Variants in MYO3B observed in about 807,000 individuals in gnomAD.
The protein encoded by MYO3B is myosin IIIB, also known as myosin-IIIb.
A neutral mutation model predicts 174.6 loss-of-function variants in MYO3B; 156 were observed. The observed-to-expected ratio is 0.89, with a 90% CI of 0.78 to 1.02. The LOEUF is 1.02. MYO3B is among the 50% of genes least tolerant of loss of function. The pLI is 0.00. For missense variants in MYO3B, 1,632 were observed against 1,639.4 expected (o/e 1.00, Z 0.08); for synonymous variants, 563 against 569.1 (o/e 0.99, Z 0.15).
chr2:170,405,681 G>A (rs1402294727), intron 21 of MYO3B, 48 bp downstream of exon 21: 1 of 1,463,700 alleles, frequency 6.8e-7, no homozygotes, highest in Non-Finnish European at 9.6e-7. Flanking sequence ...CAAAGGGTAA[G>A]TGTCTGTATT....
At chr2:170,251,998 A>C (rs1370889666) in intron 7 of MYO3B, among the ~76,000 whole-genome samples, 1 of 152,182 alleles carries the variant, frequency 6.6e-6, no homozygotes, top group Admixed American at 6.5e-5. Context: ...AGACCAGGAG[A>C]AGTAAATATG....
intron 32 of MYO3B, among the ~76,000 whole-genome samples, chr2:170,584,207 T>G (rs1055524551): frequency 1.3e-5 from 2 of 152,292 alleles, no homozygotes; most frequent in Non-Finnish European, 2.9e-5. Context: ...GGGGCTCTAA[T>G]TCTGTGGTGT....
chr2:170,354,638 C>G (rs1303542446), intron 8 of MYO3B, among the ~76,000 whole-genome samples: 1 of 152,206 alleles, frequency 6.6e-6, no homozygotes, highest in African/African-American at 2.4e-5. Context: ...TTCCCAACCT[C>G]TTGGGAACAT....
intron 32 of MYO3B, among the ~76,000 whole-genome samples, chr2:170,583,045 C>T (rs1307071481): frequency 6.6e-6 from 1 of 151,838 alleles, no homozygotes; most frequent in Non-Finnish European, 1.5e-5. Context: ...ACTGCAGAGT[C>T]TACCCGCCCC....
At chr2:170,614,034 C>T (rs957038579) in intron 32 of MYO3B, among the ~76,000 whole-genome samples, 5 of 152,108 alleles carry the variant, frequency 3.3e-5, no homozygotes, top group African/African-American at 1.2e-4. Context: ...CCACTCCCAT[C>T]CCCTTCTGCA....
intron 32 of MYO3B, among the ~76,000 whole-genome samples, chr2:170,570,008 T>C (rs1692333796): frequency 6.6e-6 from 1 of 152,044 alleles, no homozygotes; most frequent in Non-Finnish European, 1.5e-5. Flanking sequence ...TAAGACAACA[T>C]GGATTATTTG....
chr2:170,288,159 G>A (rs1310371181), intron 7 of MYO3B, among the ~76,000 whole-genome samples: 1 of 151,632 alleles, frequency 6.6e-6, no homozygotes, highest in Non-Finnish European at 1.5e-5. Context: ...AGAGTGTGGT[G>A]CCTCCAGCTT....
chr2:170,199,148 A>T (rs2092632993), intron 1 of MYO3B, 60 bp from the exon 2 acceptor site: 2 of 1,196,758 alleles, frequency 1.7e-6, no homozygotes, highest in African/African-American at 1.5e-5. Context: ...TTTTGTTTCA[A>T]AAGTCCACTG....
intron 22 of MYO3B, among the ~76,000 whole-genome samples, chr2:170,427,789 T>G (rs1239496121): frequency 6.6e-6 from 1 of 152,188 alleles, no homozygotes; most frequent in Non-Finnish European, 1.5e-5. Flanking sequence ...CAAAAATAAC[T>G]GGTAAATGTG....
chr2:170,444,531 T>G (rs1229717707), intron 23 of MYO3B, among the ~76,000 whole-genome samples: 2 of 152,218 alleles, frequency 1.3e-5, no homozygotes, highest in African/African-American at 2.4e-5. Context: ...TTCGTTAATA[T>G]TCATTGTAAG....
intron 32 of MYO3B, among the ~76,000 whole-genome samples, chr2:170,550,599 T>G (rs1364781800): frequency 6.6e-6 from 1 of 152,178 alleles, no homozygotes; most frequent in African/African-American, 2.4e-5. Context: ...CAACAAACAT[T>G]TATTGAGCAC....
chr2:170,354,946 G>A (rs1269831219), intron 8 of MYO3B, among the ~76,000 whole-genome samples: 1 of 151,974 alleles, frequency 6.6e-6, no homozygotes, highest in Non-Finnish European at 1.5e-5. Context: ...TTGACATCCT[G>A]GGGGTGGGGT....
Position 170,648,235 on chromosome 2 carries a change from T to C in MYO3B, c.3734-3393T>C, listed in dbSNP as rs150956262. Among the ~76,000 whole-genome samples, 146 of 152,314 alleles carry C rather than the reference T, an allele frequency of 9.6e-4. 2 individuals carry two copies. In the East Asian group the frequency reaches 0.028, roughly 29 times the overall value. On this transcript the variant is annotated intron_variant, in intron 32 of 34. Coordinates refer to ENST00000408978, the MANE Select transcript of MYO3B (RefSeq NM_138995.5). ...GACTTTGCCAGCACAACAGGCTAGATTCCTGTGCTCTGCACAGTGATCATG... is the reference window on the plus strand; with the variant it reads ...GACTTTGCCAGCACAACAGGCTAGACTCCTGTGCTCTGCACAGTGATCATG...
intron 32 of MYO3B, among the ~76,000 whole-genome samples, chr2:170,649,444 A>AAATATAT (rs1251493520): frequency 2.9e-5 from 3 of 104,020 alleles, no homozygotes; most frequent in African/African-American, 1.1e-4. Context: ...ATTACATATA[A>AAATATAT]AATATATAAT....
intron 3 of MYO3B, among the ~76,000 whole-genome samples, chr2:170,207,256 G>T (rs2092722624): frequency 1.3e-5 from 2 of 152,086 alleles, no homozygotes; most frequent in Admixed American, 1.3e-4. Flanking sequence ...AAAACAGTCA[G>T]ATCTCCCTCA....
At chr2:170,414,792 A>G (rs1457419633) in intron 22 of MYO3B, among the ~76,000 whole-genome samples, 2 of 152,178 alleles carry the variant, frequency 1.3e-5, no homozygotes, top group Non-Finnish European at 2.9e-5. Flanking sequence ...GATCCTGTAC[A>G]TGTTTTATTA....
intron 30 of MYO3B, among the ~76,000 whole-genome samples, chr2:170,533,079 A>G (rs958034802): frequency 6.6e-6 from 1 of 152,130 alleles, no homozygotes; most frequent in Non-Finnish European, 1.5e-5. Context: ...TTCATCAGCC[A>G]CTTTCTCTTT....
intron 7 of MYO3B, among the ~76,000 whole-genome samples, chr2:170,328,927 G>A (rs1478815643): frequency 6.6e-6 from 1 of 152,126 alleles, no homozygotes; most frequent in Non-Finnish European, 1.5e-5. Flanking sequence ...CACTTTGGGA[G>A]GCCAAGGCAG....
At chr2:170,621,362 A>G (rs984841118) in intron 32 of MYO3B, among the ~76,000 whole-genome samples, 1 of 152,190 alleles carries the variant, frequency 6.6e-6, no homozygotes, top group African/African-American at 2.4e-5. Context: ...ATAAATTATT[A>G]TGACACCCTT....
Sources: gnomAD v4.1 joint callset for allele counts (sites outside exome capture counted in the v4.1 genomes callset) on GRCh38, gnomAD v4.1.1 for gene constraint, MANE v1.5 for transcripts, NCBI Gene and HGNC (gene_info 2026-07-23, HGNC 2026-07-21) for gene names.